ANAPC16: variants seen among roughly 807,000 people sequenced by gnomAD.
The protein encoded by ANAPC16 is anaphase promoting complex subunit 16, also known as anaphase-promoting complex subunit 16.
Under a neutral mutation model 13.1 loss-of-function variants are expected in ANAPC16, and 6 were observed. The observed-to-expected ratio is 0.46, with a 90% CI of 0.25 to 0.90. The LOEUF is 0.90. Among genes scored for constraint, ANAPC16 ranks in the 40% least tolerant of loss-of-function variants. The pLI is 0.18. For synonymous variants in ANAPC16, 55 were observed against 51.3 expected (o/e 1.07, Z -0.31); for missense variants, 113 against 131.1 (o/e 0.86, Z 0.67).
chr10:72,218,159 AAAAAAAATAT>A (rs1293469329), intron 1 of ANAPC16, among the ~76,000 whole-genome samples: 8 of 45,814 alleles, frequency 1.7e-4, no homozygotes, highest in South Asian at 8.9e-4. Flanking sequence ...AAAAAAAAAA[AAAAAAAATAT>A]ATATATATAT....
In ANAPC16 at chr10:72,219,002, G is replaced by A. The variant is rs186439409; in HGVS notation, c.-28+2864G>A. Among the ~76,000 whole-genome samples the A allele has an allele frequency of 1.2e-4, 18 of 152,280 alleles. No homozygotes were observed. In the South Asian group the frequency reaches 3.3e-3, roughly 28 times the overall value. ...ACCTTTTGAAGCTGTCCTCACTCTG[G>A]CAGTTGCTTGGGTGCTCTGCTCAGC... On this transcript the variant is annotated intron_variant, in intron 1 of 3. Coordinates refer to ENST00000299381, the MANE Select transcript of ANAPC16 (RefSeq NM_173473.4).
rs748812488 is a variant in ANAPC16, at chr10:72,233,067, G to A, written c.284G>A (p.Arg95Gln). 177 of 1,614,024 alleles carry A rather than the reference G, an allele frequency of 1.1e-4. No individual in the cohort carries two copies. In the Middle Eastern group the frequency reaches 1.3e-3, roughly 12 times the overall value. ...LVEELEADEW[R>Q]FKPIEQLLGF... Reference sequence around the variant, plus strand: ...GAAGAGCTGGAGGCTGACGAGTGGCGGTTTAAGCCCATCGAGCAGCTGCTG... The same window carrying A: ...GAAGAGCTGGAGGCTGACGAGTGGCAGTTTAAGCCCATCGAGCAGCTGCTG... The change falls in exon 4 of 4, where the codon CGG (arginine) becomes CAG (glutamine). Residue 95 changes from arginine (R) to glutamine (Q), a missense_variant. Transcript: ENST00000299381.
intron 2 of ANAPC16, among the ~76,000 whole-genome samples, chr10:72,226,000 T>C (rs1860111171): frequency 6.6e-6 from 1 of 151,608 alleles, no homozygotes; most frequent in South Asian, 2.1e-4. Flanking sequence ...ATTGATCTTT[T>C]TTCCTTTAAG....
At chr10:72,218,373 A>C (rs867909644) in intron 1 of ANAPC16, among the ~76,000 whole-genome samples, 4 of 151,590 alleles carry the variant, frequency 2.6e-5, no homozygotes, top group African/African-American at 9.7e-5. Flanking sequence ...TGCAGCAAGT[A>C]AGTAGCAAAA....
Position 72,234,552 on chromosome 10 carries a change from G to A in ANAPC16, c.*1436G>A, listed in dbSNP as rs758502279. On this transcript the variant is annotated 3_prime_UTR_variant, in exon 4 of 4. Coordinates refer to ENST00000299381, the MANE Select transcript of ANAPC16 (RefSeq NM_173473.4). ...AACAACTGGTATAATCATTTATTAC[G>A]TTGTATGCAAATTTTGCCTTAGACA... is the stretch of plus-strand genomic sequence containing the variant. 1 of 152,152 alleles carries A rather than the reference G, an allele frequency of 6.6e-6. No individual in the cohort carries two copies. Among genetic ancestry groups the A allele is most frequent in the South Asian group, 2.1e-4 (1 of 4,834 alleles). The allele number at this position is 152,152 out of a possible 1,614,324, so 9.4% of individuals were successfully genotyped here.
chr10:72,221,547 C>CTTTTTTTTTTTTTTT (rs910872494), intron 1 of ANAPC16, among the ~76,000 whole-genome samples: 6 of 91,350 alleles, frequency 6.6e-5, no homozygotes, highest in Admixed American at 1.2e-4. Flanking sequence ...TTTTTCTTTT[C>CTTTTTTTTTTTTTTT]TTTTTTTTTT....
Position 72,226,668 on chromosome 10 carries a change from C to CAA in ANAPC16, c.142+2624_142+2625dup, listed in dbSNP as rs954190684. Among the ~76,000 whole-genome samples the CAA allele has an allele frequency of 9.7e-5, 11 of 113,580 alleles. No individual in the cohort carries two copies. In the South Asian group the frequency reaches 1.1e-3, roughly 11 times the overall value. The allele number at this position is 113,580 out of a possible 152,430, so 74.5% of individuals were successfully genotyped here. A position where few individuals can be genotyped will look rare whatever the true frequency, so the allele number is the denominator to read the frequency against. ...AGCCTGGGTGATGGAGACCTTGTCT[C>CAA]AAAAAAAAAAAAAGAAAAGAAAAGA... is the stretch of plus-strand genomic sequence containing the variant. On this transcript the variant is annotated intron_variant, in intron 2 of 3. Transcript: ENST00000299381.
At position 72,235,156 on chromosome 10, in the gene ANAPC16, A is replaced by G. The variant is rs1233189582; in HGVS notation, c.*2040A>G. On this transcript the variant is annotated 3_prime_UTR_variant, in exon 4 of 4. Coordinates refer to ENST00000299381, the MANE Select transcript of ANAPC16 (RefSeq NM_173473.4). ...ACAGAGCGAGACTCTGTCTCAAAAAAAAAAAAATAAAGCCGGGCGTGGTGG... is the reference window on the plus strand; with the variant it reads ...ACAGAGCGAGACTCTGTCTCAAAAAGAAAAAAATAAAGCCGGGCGTGGTGG... 6.6e-6 allele frequency: 1 copy of G among 151,814 alleles called. No individual in the cohort carries two copies. Among genetic ancestry groups the G allele is most frequent in the African/African-American group, 2.4e-5 (1 of 41,290 alleles). 9.4% of individuals were successfully genotyped at this position (151,814 alleles called of 1,614,324 possible). A position where few individuals can be genotyped will look rare whatever the true frequency, so the allele number is the denominator to read the frequency against.
At chr10:72,228,238 T>C (rs888725613) in intron 2 of ANAPC16, among the ~76,000 whole-genome samples, 2 of 152,174 alleles carry the variant, frequency 1.3e-5, no homozygotes, top group Admixed American at 1.3e-4. Context: ...TGCTCTCTGA[T>C]AACAGACACC....
At chr10:72,227,592 A>T (rs1363531816) in intron 2 of ANAPC16, among the ~76,000 whole-genome samples, 1 of 152,122 alleles carries the variant, frequency 6.6e-6, no homozygotes, top group East Asian at 1.9e-4. Flanking sequence ...TCTTGGTCAA[A>T]TCAAGAATAT....
intron 1 of ANAPC16, among the ~76,000 whole-genome samples, chr10:72,217,702 T>G (rs2133634256): frequency 6.6e-6 from 1 of 152,230 alleles, no homozygotes; most frequent in African/African-American, 2.4e-5. Context: ...ATTTATGAAG[T>G]GTTTACTAAG....
intron 1 of ANAPC16, chr10:72,220,928 C>A (rs1859907138): frequency 6.6e-6 from 1 of 151,758 alleles, no homozygotes; most frequent in African/African-American, 2.4e-5. Flanking sequence ...TTTTTTCTCC[C>A]CCGCCAAGAT....
intron 3 of ANAPC16, among the ~76,000 whole-genome samples, chr10:72,232,172 G>C (rs1860330997): frequency 7.6e-6 from 1 of 131,598 alleles, no homozygotes; most frequent in African/African-American, 3.1e-5. Context: ...GGCAATAAGG[G>C]TGAAACTCTG....
At chr10:72,230,326 C>T (rs758217620) in intron 2 of ANAPC16, 40 bp from the exon 3 acceptor site, 1 of 1,531,638 alleles carries the variant, frequency 6.5e-7, no homozygotes, top group Non-Finnish European at 9.0e-7. Context: ...GCCATAAAAC[C>T]TTTAGAGCAG....
At chr10:72,232,945 GGCA>G in intron 3 of ANAPC16, 53 bp from the exon 4 acceptor site, 2 of 1,374,300 alleles carry the variant, frequency 1.5e-6, no homozygotes, top group Non-Finnish European at 2.1e-6. Context: ...GGTGGCTGGT[GGCA>G]GTCTCTTGGG....
chr10:72,217,452 G>T (rs1211267248), intron 1 of ANAPC16, among the ~76,000 whole-genome samples: 2 of 149,378 alleles, frequency 1.3e-5, no homozygotes, highest in African/African-American at 2.5e-5. Flanking sequence ...TTCAGCCTGG[G>T]TGACAGCGAG....
intron 2 of ANAPC16, among the ~76,000 whole-genome samples, chr10:72,228,741 T>C (rs1860202002): frequency 6.6e-6 from 1 of 152,198 alleles, no homozygotes; most frequent in Admixed American, 6.5e-5. Context: ...TCAGCAAAAG[T>C]GTGTTCCACA....
intron 1 of ANAPC16, among the ~76,000 whole-genome samples, chr10:72,218,161 AAAAAATATATATATATATAT>A (rs1419571915): frequency 0.075 from 3,036 of 40,226 alleles, 216 homozygotes; most frequent in South Asian, 0.11. Flanking sequence ...AAAAAAAAAA[AAAAAATATATATATATATAT>A]ATATATATAT....
intron 1 of ANAPC16, chr10:72,220,634 G>A (rs1303832657): frequency 6.6e-6 from 1 of 151,092 alleles, no homozygotes; most frequent in Non-Finnish European, 1.5e-5. Flanking sequence ...TTCAGCCTGG[G>A]TGACAGAGCG....
Sources: gnomAD v4.1 joint callset for allele counts (sites outside exome capture counted in the v4.1 genomes callset) on GRCh38, gnomAD v4.1.1 for gene constraint, MANE v1.5 for transcripts, NCBI Gene and HGNC (gene_info 2026-07-23, HGNC 2026-07-21) for gene names.